GNL3L: variants seen among roughly 807,000 people sequenced by gnomAD.
GNL3L encodes G protein nucleolar 3 like, also known as guanine nucleotide-binding protein-like 3-like protein.
GNL3L carries 4 observed loss-of-function variants against 42.9 expected under a neutral mutation model. That is an observed-to-expected ratio of 0.09 (90% confidence interval 0.05 to 0.21). GNL3L has a LOEUF of 0.21. Ranked by LOEUF, GNL3L falls within the 10% of genes least tolerant of loss-of-function variation. The probability of loss-of-function intolerance (pLI) is 1.00; values close to 1 mark genes in which losing one functional copy is unlikely to be tolerated. For synonymous variants in GNL3L, 159 were observed against 176.3 expected, an observed-to-expected ratio of 0.90 and a Z score of 0.78; for missense variants, 412 against 481.7, an observed-to-expected ratio of 0.86 and a Z score of 1.36.
intron 15 of GNL3L, 93 bp downstream of exon 15, chrX:54,558,748 C>CT: frequency 4.9e-6 from 3 of 616,108 alleles, no homozygotes; most frequent in Non-Finnish European, 7.7e-6. Flanking sequence ...TCTCCGCCCC[C>CT]TGGGTTCAAG....
the GNL3L span, among the ~76,000 whole-genome samples, chrX:54,643,795 C>A: frequency 0.044 from 4,861 of 111,271 alleles, 265 homozygotes; most frequent in African/African-American, 0.15. Context: ...TTGCCAGCCT[C>A]TGGTAATCAT....
At chrX:54,544,454 T>A in intron 8 of GNL3L, 128 bp downstream of exon 8, 2 of 421,822 alleles carry the variant, frequency 4.7e-6, no homozygotes, top group Non-Finnish European at 8.4e-6. Context: ...TTTGAGCTTT[T>A]TGCTCCACCG....
intron 10 of GNL3L, 105 bp from the exon 11 acceptor site, chrX:54,551,463 G>T: frequency 1.6e-6 from 1 of 638,725 alleles, no homozygotes; most frequent in Non-Finnish European, 2.5e-6. Context: ...CGTCTCTAAT[G>T]CACCCTCCCC....
chrX:54,594,673 T>G (rs1464313054), intron 16 of GNL3L, among the ~76,000 whole-genome samples: 2 of 110,921 alleles, frequency 1.8e-5, no homozygotes, highest in Non-Finnish European at 3.8e-5. Context: ...TTTTGGTTGT[T>G]TTGTGGTGTT....
chrX:54,544,014 G>C, intron 7 of GNL3L: 1 of 346,605 alleles, frequency 2.9e-6, no homozygotes, highest in East Asian at 4.9e-5. Flanking sequence ...AGGGAACAGA[G>C]GCCCCTTCAG....
In GNL3L at chrX:54,607,014, T is replaced by C. The variant is rs1235422973; in HGVS notation, c.*46-13831T>C. ...TCCTTTCCTTTCTTTCTTTCTTTCT[T>C]TCTTTCTTTCTTTCTTTCTTTCTTT... On this transcript the variant is annotated intron_variant, in intron 16 of 16. Transcript: ENST00000674498. 2.5e-3 allele frequency among the ~76,000 whole-genome samples: 109 copies of C among 42,864 alleles called. 2 individuals carry two copies. Among genetic ancestry groups the C allele is most frequent in the African/African-American group, 0.025 (99 of 3,968 alleles). 37.2% of individuals were successfully genotyped at this position (42,864 alleles called of 115,157 possible).
intron 16 of GNL3L, among the ~76,000 whole-genome samples, chrX:54,607,094 T>TC (rs1926101519): frequency 4.4e-5 from 3 of 68,586 alleles, no homozygotes; most frequent in African/African-American, 2.0e-4. Context: ...TCTTTCTTTC[T>TC]TTCTTTCTTT....
chrX:54,541,545 A>G (rs1924618947), intron 5 of GNL3L, among the ~76,000 whole-genome samples, 156 bp downstream of exon 5: 1 of 104,512 alleles, frequency 9.6e-6, no homozygotes, highest in African/African-American at 3.4e-5. Context: ...GGAGGGAGGG[A>G]GGGATAAAGG....
intron 14 of GNL3L, among the ~76,000 whole-genome samples, chrX:54,556,602 A>G (rs1925103452): frequency 9.1e-6 from 1 of 110,287 alleles, no homozygotes; most frequent in South Asian, 3.9e-4. Flanking sequence ...CTGGTCTCGA[A>G]CTCCTGACCC....
chrX:54,544,177 GTGT>G, intron 7 of GNL3L, 43 bp from the exon 8 acceptor site: 1 of 698,226 alleles, frequency 1.4e-6, no homozygotes. Context: ...AACCATGGAG[GTGT>G]TGTTCTGCTT....
At chrX:54,545,081 A>G (rs1278115833) in intron 8 of GNL3L, among the ~76,000 whole-genome samples, 1 of 110,190 alleles carries the variant, frequency 9.1e-6, no homozygotes, top group Non-Finnish European at 1.9e-5. Context: ...ATGCCTGGCT[A>G]ATTTTTGTAT....
At chrX:54,637,983 T>C in the GNL3L span, among the ~76,000 whole-genome samples, 1 of 111,673 alleles carries the variant, frequency 9.0e-6, no homozygotes, top group Non-Finnish European at 1.9e-5. Flanking sequence ...TTTCTACTTT[T>C]GCATATGTTA....
chrX:54,533,823 C>G (rs1434021567), intron 2 of GNL3L, among the ~76,000 whole-genome samples: 1 of 110,158 alleles, frequency 9.1e-6, no homozygotes, highest in East Asian at 2.8e-4. Flanking sequence ...TTAGGAACAT[C>G]TAATACTAGA....
Position 54,560,553 on chromosome X carries a change from T to G in GNL3L, c.1700T>G (p.Met567Arg). 2.5e-6 allele frequency: 3 copies of G among 1,180,947 alleles called. No homozygotes were observed. ...KIASKLSDSM[M>R]SALDLSGNAD... is the part of the protein sequence containing the mutation. ...GCCAGCAAGCTGTCTGATTCCATGA[T>G]GTCTGCTCTCGACCTCTCTGGCAAT... Residue 567 changes from methionine (M) to arginine (R), a missense_variant, in exon 16 of 16, where the codon ATG (methionine) becomes AGG (arginine). Coordinates refer to ENST00000360845, the MANE Select transcript of GNL3L (RefSeq NM_001184819.2).
intron 14 of GNL3L, among the ~76,000 whole-genome samples, chrX:54,557,895 A>T (rs1365496021): frequency 9.6e-6 from 1 of 104,517 alleles, no homozygotes. Flanking sequence ...CTGCCAGAAA[A>T]TTTTTTTTTT....
chrX:54,568,000 A>T (rs1601996995), downstream of GNL3L, among the ~76,000 whole-genome samples: 1 of 95,452 alleles, frequency 1.0e-5, no homozygotes. Flanking sequence ...ACGGAGTCTC[A>T]CTCTGTCACC....
intron 16 of GNL3L, among the ~76,000 whole-genome samples, chrX:54,573,364 C>T (rs908035402): frequency 2.1e-4 from 23 of 111,225 alleles, no homozygotes; most frequent in Non-Finnish European, 3.2e-4. Flanking sequence ...GCCAACACAG[C>T]GAAACCCCAT....
At chrX:54,547,560 C>A (rs758098377) in intron 8 of GNL3L, among the ~76,000 whole-genome samples, 1 of 110,460 alleles carries the variant, frequency 9.1e-6, no homozygotes, top group Non-Finnish European at 1.9e-5. Flanking sequence ...CAAAAGTTAG[C>A]CGGGTGTGGT....
the GNL3L span, among the ~76,000 whole-genome samples, chrX:54,639,855 G>C: frequency 0.14 from 15,116 of 109,479 alleles, 1,727 homozygotes; most frequent in African/African-American, 0.38. Flanking sequence ...AGAGTAACAG[G>C]GTCGGATTTG....
Sources: allele counts gnomAD v4.1 joint callset (sites outside exome capture counted in the v4.1 genomes callset), GRCh38; gene constraint gnomAD v4.1.1; transcripts MANE v1.5; gene names NCBI Gene and HGNC (gene_info 2026-07-23, HGNC 2026-07-21).